The following MRPS2 variants were observed in gnomAD, a reference collection of about 807,000 sequenced individuals.
MRPS2 encodes mitochondrial ribosomal protein S2.
Under a neutral mutation model 18.9 loss-of-function variants are expected in MRPS2, and 13 were observed. The ratio of observed to expected loss-of-function variants is 0.69; its 90% confidence interval spans 0.45 to 1.09. The LOEUF (loss-of-function observed/expected upper bound fraction) is 1.09, where lower values mean the gene tolerates loss of function less well. Ranked by LOEUF, MRPS2 falls within the 50% of genes least tolerant of loss-of-function variation. The pLI, the probability that MRPS2 is intolerant of heterozygous loss-of-function variation, is 0.00. For missense variants in MRPS2, 389 were observed against 421.7 expected (o/e 0.92, Z 0.68); for synonymous variants, 186 against 178.4 (o/e 1.04, Z -0.34).
chr9:135,503,686 C>T lies in MRPS2; in HGVS notation c.444C>T (p.Asn148=), dbSNP rs1396491156. 6 of 1,613,820 alleles carry T rather than the reference C, an allele frequency of 3.7e-6. No individual in the cohort carries two copies. In the Middle Eastern group the frequency reaches 6.6e-4, roughly 177 times the overall value. The change falls in exon 4 of 4, where the codon AAC becomes AAT. Residue 148 remains asparagine, a synonymous_variant. Transcript: ENST00000241600. ...GCATCATCTTGTTTATAAGCCGCAACCGGCAGTTCTCGTACCTGATTGAGA... is the reference window on the plus strand; with the variant it reads ...GCATCATCTTGTTTATAAGCCGCAATCGGCAGTTCTCGTACCTGATTGAGA... ...RKGIILFISR[N]RQFSYLIENM...
Position 135,501,991 on chromosome 9 carries a change from C to A in MRPS2, c.299+18C>A. ...CGGCACAGGTAGGTGACACCCCCAT[C>A]TGAGCCCGGGGCGGTTCCCAGGAGG... is the stretch of plus-strand genomic sequence containing the variant. On this transcript the variant is annotated intron_variant, in intron 3 of 3. Coordinates refer to ENST00000241600, the MANE Select transcript of MRPS2 (RefSeq NM_016034.5). 6.2e-7 allele frequency: 1 copy of A among 1,613,066 alleles called. No homozygotes were observed. Among genetic ancestry groups the A allele is most frequent in the South Asian group, 1.1e-5 (1 of 91,070 alleles).
At chr9:135,500,607 T>C (rs1831087222), upstream of MRPS2, 9 of 1,275,338 alleles carry the variant, frequency 7.1e-6, no homozygotes, top group Non-Finnish European at 9.2e-6. Context: ...CTGTGGCTCC[T>C]CCGGGCCTGT....
rs373373056 is a variant in MRPS2, at chr9:135,503,632, C to G, written c.390C>G (p.Asn130Lys). Residue 130 changes from asparagine to lysine, a missense_variant, in exon 4 of 4, where the codon AAC (asparagine) becomes AAG (lysine). Transcript: ENST00000241600. The stretch of plus-strand genomic sequence containing the variant: ...CCACGCACCTCCAGCTGGCCTTGAA[C>G]TTCACCGCCCACATGGCCTACCGCA... ...QTATHLQLAL[N>K]FTAHMAYRKG... The G allele has an allele frequency of 6.2e-7, 1 of 1,613,860 alleles. No homozygotes were observed. Among genetic ancestry groups the G allele is most frequent in the Non-Finnish European group, 8.5e-7 (1 of 1,180,040 alleles).
upstream of MRPS2, chr9:135,500,080 C>G: frequency 1.9e-6 from 1 of 530,034 alleles, no homozygotes; most frequent in South Asian, 2.8e-5. Context: ...CCCCCAGCCA[C>G]CCGCGGGGGG....
rs1445000195 is a variant in MRPS2, at chr9:135,500,708, G to C, written c.-3G>C. 1 of 1,476,838 alleles carries C rather than the reference G, an allele frequency of 6.8e-7. No individual in the cohort carries two copies. Among genetic ancestry groups the C allele is most frequent in the Non-Finnish European group, 8.9e-7 (1 of 1,120,478 alleles). 91.5% of individuals were successfully genotyped at this position (1,476,838 alleles called of 1,614,324 possible). A position where few individuals can be genotyped will look rare whatever the true frequency, so the allele number is the denominator to read the frequency against. ...AGACCTCGCTCTGCCCCGCGTCCCA[G>C]CCATGGCGACATCCTCGGCCGCGCT... On this transcript the variant is annotated 5_prime_UTR_variant, in exon 1 of 4. Transcript: ENST00000241600.
chr9:135,500,482 A>T (rs900900470), upstream of MRPS2: 24 of 461,796 alleles, frequency 5.2e-5, no homozygotes, highest in African/African-American at 4.9e-4. Flanking sequence ...GGCGAGCTGC[A>T]GGGCGAGGAC....
At chr9:135,502,291 G>A (rs55642785) in intron 3 of MRPS2, 20,807 of 1,149,606 alleles carry the variant, frequency 0.018, 288 homozygotes, top group Admixed American at 0.055. Context: ...ATCGGGCTGG[G>A]CCTTCTGGGC....
chr9:135,500,635 C>G, upstream of MRPS2: 3 of 1,382,950 alleles, frequency 2.2e-6, no homozygotes, highest in Non-Finnish European at 2.8e-6. Flanking sequence ...ACTGCGGCCC[C>G]GCGCGGATGG....
chr9:135,500,702 G>T lies in MRPS2; in HGVS notation c.-9G>T. The T allele has an allele frequency of 6.8e-7, 1 of 1,468,596 alleles. No individual in the cohort carries two copies. The highest frequency in any genetic ancestry group is 8.9e-7 in the Non-Finnish European group (1 of 1,117,486). The allele number at this position is 1,468,596 out of a possible 1,614,324, so 91.0% of individuals were successfully genotyped here. On this transcript the variant is annotated 5_prime_UTR_variant, in exon 1 of 4. Coordinates refer to ENST00000241600, the MANE Select transcript of MRPS2 (RefSeq NM_016034.5). ...GGAGGGAGACCTCGCTCTGCCCCGC[G>T]TCCCAGCCATGGCGACATCCTCGGC...
chr9:135,503,145 C>A (rs967278401), intron 3 of MRPS2: 2 of 1,059,010 alleles, frequency 1.9e-6, no homozygotes, highest in Non-Finnish European at 2.3e-6. Context: ...GAGCACCCCG[C>A]TAAGTCCAAC....
Position 135,503,778 on chromosome 9 carries a change from C to T in MRPS2, c.536C>T (p.Ala179Val), listed in dbSNP as rs34149047. 0.015 allele frequency: 24,539 copies of T among 1,612,770 alleles called. 336 individuals carry two copies. Among genetic ancestry groups the T allele is most frequent in the Admixed American group, 0.066 (3,935 of 60,008 alleles). ...RYFRGGMLTN[A>V]RLLFGPTVRL... ...TTCAGGGGCGGCATGCTGACCAACG[C>T]GCGCCTCCTCTTTGGCCCCACGGTC... The change falls in exon 4 of 4, where the codon GCG becomes GTG. Residue 179 changes from alanine to valine, a missense_variant. Ala to Val is a moderately conservative substitution (Grantham distance 64, BLOSUM62 0). Transcript: ENST00000241600.
chr9:135,501,654 C>T (rs144145656), intron 2 of MRPS2, 190 bp from the exon 3 acceptor site: 22 of 1,408,120 alleles, frequency 1.6e-5, no homozygotes, highest in East Asian at 2.7e-5. Context: ...GGATCAGAAC[C>T]TGGCTCCAGC....
intron 3 of MRPS2, chr9:135,502,517 G>A (rs77168510): frequency 0.016 from 2,681 of 167,968 alleles, 81 homozygotes; most frequent in African/African-American, 0.06. Flanking sequence ...GGGCTGGGGT[G>A]GGAGGTGGCT....
At chr9:135,501,328 TGA>T in intron 2 of MRPS2, 4 of 1,398,362 alleles carry the variant, frequency 2.9e-6, no homozygotes, top group Middle Eastern at 2.7e-4. Flanking sequence ...ATGGATAGGG[TGA>T]GAGGGAGCGG....
chr9:135,502,905 A>G (rs1375861171), intron 3 of MRPS2, among the ~76,000 whole-genome samples: 2 of 152,088 alleles, frequency 1.3e-5, no homozygotes, highest in African/African-American at 2.4e-5. Flanking sequence ...CAGTGCCTTG[A>G]TGGGCAGGGT....
chr9:135,500,781 G>A, intron 1 of MRPS2, 28 bp downstream of exon 1: 3 of 1,486,850 alleles, frequency 2.0e-6, no homozygotes, highest in Non-Finnish European at 2.7e-6. Context: ...GGACCCTGGG[G>A]AGGAGCATGC....
chr9:135,502,264 A>G, intron 3 of MRPS2: 1 of 1,212,970 alleles, frequency 8.2e-7, no homozygotes, highest in Non-Finnish European at 1.0e-6. Flanking sequence ...CAGAACCTGT[A>G]AGGTTGGTCC....
chr9:135,501,005 G>T lies in MRPS2; in HGVS notation c.51G>T (p.Arg17=). The T allele has an allele frequency of 6.2e-7, 1 of 1,611,992 alleles. No homozygotes were observed. The highest frequency in any genetic ancestry group is 2.2e-5 in the East Asian group (1 of 44,820). Reference sequence around the variant, plus strand: ...CTATCTACTTCCCCCCAGGTGCCCGGGCCCCGTCGCGCTGGTTGGGCTTTC... The same window carrying T: ...CTATCTACTTCCCCCCAGGTGCCCGTGCCCCGTCGCGCTGGTTGGGCTTTC... ...ALPRILGAGA[R]APSRWLGFLG... is the part of the protein sequence containing the mutation. Residue 17 remains arginine, a synonymous_variant, in exon 2 of 4, where the codon CGG becomes CGT. Coordinates refer to ENST00000241600, the MANE Select transcript of MRPS2 (RefSeq NM_016034.5).
intron 3 of MRPS2, chr9:135,502,186 GC>G: frequency 3.4e-5 from 47 of 1,373,454 alleles, no homozygotes; most frequent in Non-Finnish European, 4.4e-5. Context: ...GGCGCTCACA[GC>G]CCTTGATAGG....
Sources: allele counts gnomAD v4.1 joint callset (sites outside exome capture counted in the v4.1 genomes callset), GRCh38; gene constraint gnomAD v4.1.1; transcripts MANE v1.5; gene names NCBI Gene and HGNC (gene_info 2026-07-23, HGNC 2026-07-21).